The following NSMCE2 variants were observed in gnomAD, a reference collection of about 807,000 sequenced individuals.
NSMCE2 encodes the protein NSE2 SUMO ligase component of SMC5/6 complex.
A neutral mutation model predicts 23.8 loss-of-function variants in NSMCE2; 24 were observed. The observed-to-expected ratio is 1.01, with a 90% confidence interval of 0.73 to 1.42. The LOEUF is 1.42. Ranked by LOEUF, NSMCE2 falls within the 40% of genes most tolerant of loss-of-function variation. NSMCE2 has a pLI of 0.00. For missense variants in NSMCE2, 284 were observed against 296.5 expected (o/e 0.96, Z 0.31); for synonymous variants, 92 against 94.1 (o/e 0.98, Z 0.13).
intron 5 of NSMCE2, among the ~76,000 whole-genome samples, chr8:125,284,427 C>CA (rs1237144448): frequency 6.6e-6 from 1 of 152,076 alleles, no homozygotes; most frequent in Non-Finnish European, 1.5e-5. Flanking sequence ...CTGACCAACC[C>CA]ATTGGTCTTT....
At chr8:125,264,527 C>T (rs1428762578) in intron 5 of NSMCE2, among the ~76,000 whole-genome samples, 1 of 152,170 alleles carries the variant, frequency 6.6e-6, no homozygotes, top group Non-Finnish European at 1.5e-5. Context: ...ATTCCTCGGC[C>T]TCCTGAGTAC....
chr8:125,102,290 C>T (rs1346925072), intron 2 of NSMCE2, 27 bp from the exon 3 acceptor site: 5 of 1,527,650 alleles, frequency 3.3e-6, no homozygotes, highest in Non-Finnish European at 4.5e-6. Context: ...ACTTACGAAT[C>T]TTGTTTCATT....
chr8:125,104,140 G>C (rs1387966710), intron 3 of NSMCE2, among the ~76,000 whole-genome samples: 1 of 151,986 alleles, frequency 6.6e-6, no homozygotes, highest in African/African-American at 2.4e-5. Context: ...ACAGGCATGC[G>C]CCACCACGCC....
intron 3 of NSMCE2, among the ~76,000 whole-genome samples, chr8:125,132,637 A>T (rs1482018982): frequency 6.6e-6 from 1 of 151,846 alleles, no homozygotes; most frequent in Non-Finnish European, 1.5e-5. Context: ...GGGACTACAG[A>T]TACACGCTAC....
intron 3 of NSMCE2, among the ~76,000 whole-genome samples, chr8:125,132,551 A>C (rs1819828415): frequency 1.3e-5 from 2 of 151,826 alleles, no homozygotes; most frequent in African/African-American, 2.4e-5. Flanking sequence ...GGAGTACACT[A>C]GTGCAGTCTC....
intron 5 of NSMCE2, among the ~76,000 whole-genome samples, chr8:125,245,701 GA>G (rs2130994031): frequency 6.6e-6 from 1 of 152,232 alleles, no homozygotes; most frequent in East Asian, 1.9e-4. Flanking sequence ...ATCAATCTAA[GA>G]GCTGGATTAC....
At chr8:125,138,301 G>A (rs180887034) in intron 3 of NSMCE2, among the ~76,000 whole-genome samples, 80 of 152,236 alleles carry the variant, frequency 5.3e-4, no homozygotes, top group African/African-American at 1.9e-3. Flanking sequence ...ATAGCTGACT[G>A]CAGCCTTGAA....
chr8:125,216,279 GTA>G (rs1824579138), intron 5 of NSMCE2, among the ~76,000 whole-genome samples: 1 of 152,186 alleles, frequency 6.6e-6, no homozygotes, highest in African/African-American at 2.4e-5. Flanking sequence ...CAGTGTACAT[GTA>G]TCTGTTTGAG....
intron 5 of NSMCE2, among the ~76,000 whole-genome samples, chr8:125,271,468 G>A (rs187532176): frequency 2.2e-3 from 337 of 152,268 alleles, no homozygotes; most frequent in African/African-American, 7.7e-3. Context: ...ATAAGTTTCG[G>A]CTTAAATACC....
intron 5 of NSMCE2, chr8:125,182,616 A>G: frequency 6.1e-6 from 2 of 325,632 alleles, no homozygotes; most frequent in East Asian, 5.2e-5. Context: ...CATGCTTTAA[A>G]ATAACCATAC....
intron 5 of NSMCE2, chr8:125,182,567 A>G: frequency 2.2e-6 from 1 of 448,788 alleles, no homozygotes; most frequent in Non-Finnish European, 3.9e-6. Flanking sequence ...TATTTTATTT[A>G]AATAACAATG....
intron 7 of NSMCE2, among the ~76,000 whole-genome samples, chr8:125,361,296 G>A (rs900668282): frequency 3.3e-5 from 5 of 151,864 alleles, no homozygotes; most frequent in Non-Finnish European, 7.4e-5. Flanking sequence ...TCGAACTCCT[G>A]GCCTCAAGTG....
chr8:125,303,421 G>A (rs1415472798), intron 5 of NSMCE2, among the ~76,000 whole-genome samples: 1 of 152,166 alleles, frequency 6.6e-6, no homozygotes, highest in Non-Finnish European at 1.5e-5. Context: ...CATGCTGCAC[G>A]AATTTGAAGT....
intron 4 of NSMCE2, among the ~76,000 whole-genome samples, chr8:125,170,372 A>ATTTT (rs1822121929): frequency 4.1e-5 from 1 of 24,620 alleles, no homozygotes; most frequent in African/African-American, 1.2e-4. Context: ...CTTACTCTTT[A>ATTTT]TTTCTTTTTT....
chr8:125,353,769 G>A (rs1302993685), intron 5 of NSMCE2, among the ~76,000 whole-genome samples: 1 of 151,762 alleles, frequency 6.6e-6, no homozygotes, highest in East Asian at 2.0e-4. Flanking sequence ...TGTAGTCCCA[G>A]CTATTTGGGA....
At chr8:125,354,293 A>G (rs1020984857) in intron 5 of NSMCE2, among the ~76,000 whole-genome samples, 6 of 152,226 alleles carry the variant, frequency 3.9e-5, no homozygotes, top group Non-Finnish European at 5.9e-5. Flanking sequence ...GTTGGCTACC[A>G]GTAACTGATT....
chr8:125,132,209 C>T (rs1378169462), intron 3 of NSMCE2, among the ~76,000 whole-genome samples: 2 of 152,104 alleles, frequency 1.3e-5, no homozygotes, highest in Non-Finnish European at 2.9e-5. Context: ...GCCATTCTTC[C>T]ACCTCAGCTT....
At chr8:125,302,672 G>A (rs1295429160) in intron 5 of NSMCE2, among the ~76,000 whole-genome samples, 3 of 152,148 alleles carry the variant, frequency 2.0e-5, no homozygotes, top group Non-Finnish European at 4.4e-5. Context: ...AAAGCAAATG[G>A]CCTGTCCCGA....
intron 3 of NSMCE2, among the ~76,000 whole-genome samples, chr8:125,147,122 T>A (rs1820729278): frequency 6.6e-6 from 1 of 152,158 alleles, no homozygotes; most frequent in African/African-American, 2.4e-5. Flanking sequence ...CTCTCTGGAG[T>A]CATCATTCTG....
Sources: allele counts gnomAD v4.1 joint callset (sites outside exome capture counted in the v4.1 genomes callset), GRCh38; gene constraint gnomAD v4.1.1; transcripts MANE v1.5; gene names NCBI Gene and HGNC (gene_info 2026-07-23, HGNC 2026-07-21).